The following THRB variants were observed in gnomAD, a reference collection of about 807,000 sequenced individuals.
The protein encoded by THRB is thyroid hormone receptor beta.
A neutral mutation model predicts 47.8 loss-of-function variants in THRB; 12 were observed. That is an observed-to-expected ratio of 0.25 (90% CI 0.16 to 0.41). The LOEUF is 0.41. Ranked by LOEUF, THRB falls within the 10% of genes least tolerant of loss-of-function variation. The pLI is 1.00. For synonymous variants in THRB, 218 were observed against 212.2 expected (o/e 1.03, Z -0.24); for missense variants, 348 against 589.2 (o/e 0.59, Z 4.24).
At chr3:24,287,627 T>C (rs912674882) in intron 3 of THRB, among the ~76,000 whole-genome samples, 2 of 152,218 alleles carry the variant, frequency 1.3e-5, no homozygotes, top group Non-Finnish European at 2.9e-5. Flanking sequence ...AACAGGAGCG[T>C]TGTCCCAGCT....
intron 3 of THRB, among the ~76,000 whole-genome samples, chr3:24,232,694 C>A (rs1576155554): frequency 6.6e-6 from 1 of 152,066 alleles, no homozygotes; most frequent in Non-Finnish European, 1.5e-5. Context: ...TTTACAGCAG[C>A]TCGTGGGTGG....
intron 4 of THRB, among the ~76,000 whole-genome samples, chr3:24,224,968 T>A (rs865786623): frequency 3.9e-5 from 6 of 152,308 alleles, no homozygotes; most frequent in South Asian, 2.1e-4. Flanking sequence ...ATGCTGTTGA[T>A]CATGGTTTTA....
intron 1 of THRB, among the ~76,000 whole-genome samples, chr3:24,481,675 T>C (rs569758616): frequency 6.6e-6 from 1 of 152,108 alleles, no homozygotes; most frequent in Non-Finnish European, 1.5e-5. Flanking sequence ...AGTGGCATGT[T>C]TCAGTGGGGC....
intron 2 of THRB, among the ~76,000 whole-genome samples, chr3:24,307,862 C>G (rs1250731996): frequency 6.6e-6 from 1 of 152,144 alleles, no homozygotes; most frequent in African/African-American, 2.4e-5. Flanking sequence ...AAAAGGTTGC[C>G]TCCAGGAGTT....
rs114038571 is a variant in THRB, at chr3:24,356,609, A to G, written c.-260-19238T>C. ...CCCACTAGAACTGCCCTTAAAGTCT[A>G]TAATTCTAGCATACACCTCAAAACT... On this transcript the variant is annotated intron_variant, in intron 1 of 10. Coordinates refer to ENST00000646209, the MANE Select transcript of THRB (RefSeq NM_001354712.2). Among the ~76,000 whole-genome samples, 930 of 152,232 alleles carry G rather than the reference A, an allele frequency of 6.1e-3. 11 individuals carry two copies. The highest frequency in any genetic ancestry group is 0.021 in the African/African-American group (872 of 41,538).
chr3:24,467,639 T>C (rs1435676734), intron 1 of THRB, among the ~76,000 whole-genome samples: 1 of 152,202 alleles, frequency 6.6e-6, no homozygotes, highest in African/African-American at 2.4e-5. Flanking sequence ...ACTAGATGCA[T>C]TGTCAGTGAG....
chr3:24,152,770 G>T (rs552665725), intron 5 of THRB, among the ~76,000 whole-genome samples: 3 of 152,004 alleles, frequency 2.0e-5, no homozygotes, highest in African/African-American at 7.2e-5. Flanking sequence ...AGACCAGCCT[G>T]GCCAACATGG....
intron 1 of THRB, among the ~76,000 whole-genome samples, chr3:24,364,336 A>C (rs371474385): frequency 3.9e-5 from 6 of 152,320 alleles, no homozygotes; most frequent in South Asian, 2.1e-4. Flanking sequence ...AACCTGAGTG[A>C]AGTCATGCAG....
intron 6 of THRB, among the ~76,000 whole-genome samples, chr3:24,149,764 A>T (rs902946405): frequency 6.6e-6 from 1 of 151,764 alleles, no homozygotes; most frequent in Non-Finnish European, 1.5e-5. Flanking sequence ...TCATTTTAAA[A>T]AGTAACAGAA....
chr3:24,309,541 T>C (rs886204632), intron 2 of THRB, among the ~76,000 whole-genome samples: 1 of 152,246 alleles, frequency 6.6e-6, no homozygotes, highest in Non-Finnish European at 1.5e-5. Context: ...GTATTTGTCT[T>C]ATTTCTGGTA....
chr3:24,446,486 T>C (rs540113638), intron 1 of THRB, among the ~76,000 whole-genome samples: 20 of 151,960 alleles, frequency 1.3e-4, no homozygotes, highest in African/African-American at 4.6e-4. Flanking sequence ...TGTGTTTGTG[T>C]GTTTCTGCAA....
intron 3 of THRB, among the ~76,000 whole-genome samples, chr3:24,291,479 C>G (rs1357721602): frequency 6.9e-6 from 1 of 144,230 alleles, no homozygotes; most frequent in Non-Finnish European, 1.5e-5. Flanking sequence ...GCTCAAGTCC[C>G]TTATACAAAA....
At chr3:24,306,177 T>C (rs1002747459) in intron 2 of THRB, among the ~76,000 whole-genome samples, 1 of 152,196 alleles carries the variant, frequency 6.6e-6, no homozygotes, top group Non-Finnish European at 1.5e-5. Context: ...GGGTTTGCTT[T>C]GGCATGCAGA....
At chr3:24,491,606 C>A (rs1004876078) in intron 1 of THRB, among the ~76,000 whole-genome samples, 1 of 152,192 alleles carries the variant, frequency 6.6e-6, no homozygotes, top group Admixed American at 6.5e-5. Flanking sequence ...TGTGTTGGAT[C>A]CTGACCATTA....
At chr3:24,481,977 T>A (rs1310919024) in intron 1 of THRB, among the ~76,000 whole-genome samples, 3 of 152,074 alleles carry the variant, frequency 2.0e-5, no homozygotes, top group Admixed American at 6.6e-5. Context: ...AGAACACACA[T>A]CTTTGAGGCT....
chr3:24,378,063 C>A (rs543311243), intron 1 of THRB, among the ~76,000 whole-genome samples: 5 of 152,126 alleles, frequency 3.3e-5, no homozygotes, highest in African/African-American at 1.2e-4. Flanking sequence ...TGAATTAGAC[C>A]AATTTTATCC....
intron 2 of THRB, among the ~76,000 whole-genome samples, chr3:24,308,629 T>G (rs1387619411): frequency 1.3e-5 from 2 of 152,232 alleles, no homozygotes; most frequent in Non-Finnish European, 2.9e-5. Flanking sequence ...GATTGCAATC[T>G]TTGGTCTTTT....
At chr3:24,437,918 T>C (rs1397585776) in intron 1 of THRB, among the ~76,000 whole-genome samples, 1 of 151,586 alleles carries the variant, frequency 6.6e-6, no homozygotes, top group African/African-American at 2.4e-5. Context: ...TGTTTATGTC[T>C]CAGCTCTCCT....
Position 24,277,293 on chromosome 3 carries a change from C to T in THRB, c.-43+19933G>A, listed in dbSNP as rs188070431. On this transcript the variant is annotated intron_variant, in intron 3 of 10. Coordinates refer to ENST00000646209, the MANE Select transcript of THRB (RefSeq NM_001354712.2). Reference sequence around the variant, plus strand: ...ATCTAGTGGGTAGAGGCTAGGGATGCTGCTCAACATCCTACAATACACAGG... The same window carrying T: ...ATCTAGTGGGTAGAGGCTAGGGATGTTGCTCAACATCCTACAATACACAGG... Among the ~76,000 whole-genome samples, 95 of 152,280 alleles carry T rather than the reference C, an allele frequency of 6.2e-4. 1 individual carries two copies. Among genetic ancestry groups the T allele is most frequent in the African/African-American group, 2.2e-3 (93 of 41,540 alleles).
Sources: gnomAD v4.1 joint callset for allele counts (sites outside exome capture counted in the v4.1 genomes callset) on GRCh38, gnomAD v4.1.1 for gene constraint, MANE v1.5 for transcripts, NCBI Gene and HGNC (gene_info 2026-07-23, HGNC 2026-07-21) for gene names.